Variants in RNF180 observed in about 807,000 individuals in gnomAD.
RNF180 encodes the protein ring finger protein 180.
A neutral mutation model predicts 59.2 loss-of-function variants in RNF180; 38 were observed. The observed-to-expected ratio is 0.64, with a 90% CI of 0.50 to 0.84. The LOEUF (loss-of-function observed/expected upper bound fraction) is 0.84. Among genes scored for constraint, RNF180 ranks in the 40% least tolerant of loss-of-function variants. The probability of loss-of-function intolerance (pLI) is 0.00; values close to 1 mark genes in which losing one functional copy is unlikely to be tolerated. For synonymous variants in RNF180, 262 were observed against 240.3 expected (o/e 1.09, Z -0.84); for missense variants, 705 against 700.9 (o/e 1.01, Z -0.07).
chr5:64,294,760 A>C (rs1326421727), intron 5 of RNF180, among the ~76,000 whole-genome samples: 1 of 152,190 alleles, frequency 6.6e-6, no homozygotes, highest in Non-Finnish European at 1.5e-5. Context: ...TTACTGATGA[A>C]TTATATTGTA....
intron 7 of RNF180, among the ~76,000 whole-genome samples, chr5:64,349,580 C>T (rs771882454): frequency 5.4e-4 from 82 of 151,932 alleles, no homozygotes; most frequent in Admixed American, 2.6e-4. Flanking sequence ...TATCTCTCCC[C>T]CCTTGCCCCC....
chr5:64,266,790 G>T (rs1234405080), intron 5 of RNF180, among the ~76,000 whole-genome samples: 2 of 152,056 alleles, frequency 1.3e-5, no homozygotes, highest in African/African-American at 4.8e-5. Context: ...AGGACAGATA[G>T]ATGTGTATTT....
At chr5:64,243,286 G>A (rs905869464) in intron 5 of RNF180, among the ~76,000 whole-genome samples, 25 of 152,330 alleles carry the variant, frequency 1.6e-4, no homozygotes, top group African/African-American at 5.3e-4. Context: ...GAGCCAAGTG[G>A]TCTAGCTCAG....
rs545179569 is a variant in RNF180 at position 64,245,512 on chromosome 5, A to G, written c.1227+28116A>G. Among the ~76,000 whole-genome samples, 12 of 152,354 alleles carry G rather than the reference A, an allele frequency of 7.9e-5. No individual in the cohort carries two copies. The South Asian group carries it at 1.7e-3, about 21-fold the overall frequency. ...ACTTTAAACCAACAGAGATCAAAAAAGACAAAGAAGGGCATTACATAATTG... is the reference window on the plus strand; with the variant it reads ...ACTTTAAACCAACAGAGATCAAAAAGGACAAAGAAGGGCATTACATAATTG... On this transcript the variant is annotated intron_variant, in intron 5 of 7. Coordinates refer to ENST00000389100, the MANE Select transcript of RNF180 (RefSeq NM_001113561.2).
intron 1 of RNF180, among the ~76,000 whole-genome samples, chr5:64,182,915 A>G (rs765615024): frequency 2.6e-5 from 4 of 152,214 alleles, no homozygotes; most frequent in Non-Finnish European, 4.4e-5. Context: ...ATGTCACGTA[A>G]AAGGTGATCA....
intron 7 of RNF180, among the ~76,000 whole-genome samples, chr5:64,347,620 T>C (rs1745606181): frequency 6.6e-6 from 1 of 152,172 alleles, no homozygotes; most frequent in Non-Finnish European, 1.5e-5. Flanking sequence ...TTAAAACAGA[T>C]TAATATTAAA....
chr5:64,268,827 T>C (rs7705191), intron 5 of RNF180, among the ~76,000 whole-genome samples: 3,210 of 152,298 alleles, frequency 0.021, 86 homozygotes, highest in African/African-American at 0.053. Context: ...TCTAAACTTC[T>C]GTTAGTTTTA....
Position 64,308,705 on chromosome 5 carries a change from G to A in RNF180, c.1228-16481G>A, listed in dbSNP as rs145834324. Among the ~76,000 whole-genome samples, 454 of 151,692 alleles carry A rather than the reference G, an allele frequency of 3.0e-3. 3 individuals are homozygous for A. The highest frequency in any genetic ancestry group is 0.011 in the African/African-American group (444 of 41,448). On this transcript the variant is annotated intron_variant, in intron 5 of 7. Transcript: ENST00000389100. ...CTTGCTCAGAGTAAAAATATAAAGG[G>A]GGATTTTTCTGTATTCTTCAGTTAC...
At chr5:64,238,510 G>T (rs1289604601) in intron 5 of RNF180, among the ~76,000 whole-genome samples, 1 of 151,974 alleles carries the variant, frequency 6.6e-6, no homozygotes, top group Non-Finnish European at 1.5e-5. Context: ...GTTGTCTTTT[G>T]GTTTCTTTTG....
chr5:64,312,648 G>A (rs762040817), intron 5 of RNF180, among the ~76,000 whole-genome samples: 5 of 152,112 alleles, frequency 3.3e-5, no homozygotes, highest in Admixed American at 1.3e-4. Flanking sequence ...GAGTGGTTCC[G>A]TTTCACTGAT....
rs902379964 is a variant in RNF180 at position 64,363,047 on chromosome 5, T to G, written c.1580-6568T>G. On this transcript the variant is annotated intron_variant, in intron 7 of 7. Coordinates refer to ENST00000389100, the MANE Select transcript of RNF180 (RefSeq NM_001113561.2). ...TAGGTTGTCATTCTGTAGGTTGTCT[T>G]TTTATTCTGTTAATAGTTTCTTTTG... is the stretch of plus-strand genomic sequence containing the variant. Among the ~76,000 whole-genome samples the G allele has an allele frequency of 4.0e-5, 6 of 151,430 alleles. No homozygotes were observed. The East Asian group carries it at 1.2e-3, about 30-fold the overall frequency.
intron 7 of RNF180, among the ~76,000 whole-genome samples, chr5:64,342,900 G>C (rs1350315477): frequency 1.3e-5 from 2 of 152,132 alleles, no homozygotes; most frequent in Admixed American, 6.5e-5. Flanking sequence ...TAGGTCATGT[G>C]TCCTTAAGAC....
rs2962999 is a variant in RNF180 at position 64,196,733 on chromosome 5, C to G, written c.1-4075C>G. Among the ~76,000 whole-genome samples the G allele has an allele frequency of 7.5e-3, 1,139 of 151,584 alleles. 4 individuals are homozygous for G. Among genetic ancestry groups the G allele is most frequent in the Non-Finnish European group, 0.012 (797 of 67,808 alleles). On this transcript the variant is annotated intron_variant, in intron 1 of 7. Coordinates refer to ENST00000389100, the MANE Select transcript of RNF180 (RefSeq NM_001113561.2). The stretch of plus-strand genomic sequence containing the variant: ...TTCTCCTTGTCTAGTTTTATATTTC[C>G]TTGTCTAGTTAATATATCAAAGTTA...
chr5:64,256,665 G>A (rs1334562696), intron 5 of RNF180, among the ~76,000 whole-genome samples: 1 of 152,180 alleles, frequency 6.6e-6, no homozygotes, highest in Non-Finnish European at 1.5e-5. Context: ...TTTTGGCTTA[G>A]GATTGACTTG....
In RNF180 at chr5:64,371,324, GCT is replaced by G. The variant is rs1336353405; in HGVS notation, c.*1515_*1516del. ...AAAGTAAACATAAGGGAAAATATCA[GCT>G]CTCTTAAAATATATAGCAAGATTGA... is the stretch of plus-strand genomic sequence containing the variant. On this transcript the variant is annotated 3_prime_UTR_variant, in exon 8 of 8. Coordinates refer to ENST00000389100, the MANE Select transcript of RNF180 (RefSeq NM_001113561.2). 1.2e-4 allele frequency: 18 copies of G among 151,458 alleles called. No individual in the cohort carries two copies. Among genetic ancestry groups the G allele is most frequent in the Admixed American group, 1.2e-3 (18 of 15,152 alleles). The allele number at this position is 151,458 out of a possible 1,614,324, so 9.4% of individuals were successfully genotyped here.
At chr5:64,352,690 G>T (rs911022374) in intron 7 of RNF180, among the ~76,000 whole-genome samples, 8 of 152,022 alleles carry the variant, frequency 5.3e-5, no homozygotes, top group African/African-American at 1.9e-4. Flanking sequence ...TATTTAGAAA[G>T]AATAGATAAA....
At chr5:64,367,698 G>C (rs141120783) in intron 7 of RNF180, among the ~76,000 whole-genome samples, 45 of 151,758 alleles carry the variant, frequency 3.0e-4, no homozygotes, top group African/African-American at 1.0e-3. Context: ...CTGACCTAGA[G>C]AATATTTAAC....
At position 64,371,961 on chromosome 5, in the gene RNF180, A is replaced by T. The variant is rs1746671605; in HGVS notation, c.*2147A>T. On this transcript the variant is annotated 3_prime_UTR_variant, in exon 8 of 8. Coordinates refer to ENST00000389100, the MANE Select transcript of RNF180 (RefSeq NM_001113561.2). ...GATGAGCTTTAGAGTAAAACAAAAA[A>T]TTATAATGCTCTTCCTAAGCATCTC... The T allele has an allele frequency of 6.6e-6, 1 of 151,676 alleles. No individual in the cohort carries two copies. The highest frequency in any genetic ancestry group is 2.1e-4 in the South Asian group (1 of 4,834). The allele number at this position is 151,676 out of a possible 1,614,324, so 9.4% of individuals were successfully genotyped here.
intron 1 of RNF180, among the ~76,000 whole-genome samples, chr5:64,182,895 A>G (rs1227992336): frequency 6.6e-6 from 1 of 152,184 alleles, no homozygotes; most frequent in Non-Finnish European, 1.5e-5. Context: ...GCTAAAGGAG[A>G]GTACTTCCGA....
Sources: allele counts gnomAD v4.1 joint callset (sites outside exome capture counted in the v4.1 genomes callset), GRCh38; gene constraint gnomAD v4.1.1; transcripts MANE v1.5; gene names NCBI Gene and HGNC (gene_info 2026-07-23, HGNC 2026-07-21).